TNFSF4: variants seen among roughly 807,000 people sequenced by gnomAD.
TNFSF4 encodes the protein TNF superfamily member 4.
TNFSF4 carries 4 observed loss-of-function variants against 7.3 expected under a neutral mutation model. The ratio of observed to expected loss-of-function variants is 0.55; its 90% CI spans 0.27 to 1.25. TNFSF4 has a LOEUF of 1.25. Ranked by LOEUF, TNFSF4 falls within the 50% of genes most tolerant of loss-of-function variation. The pLI is 0.12. For synonymous variants in TNFSF4, 76 were observed against 83.7 expected (o/e 0.91, Z 0.50); for missense variants, 181 against 208.8 (o/e 0.87, Z 0.82).
chr1:173,260,879 C>A, the TNFSF4 span, among the ~76,000 whole-genome samples: 4 of 152,088 alleles, frequency 2.6e-5, no homozygotes, highest in Non-Finnish European at 4.4e-5. Context: ...GACTCCCACA[C>A]AATAATAATG....
At chr1:173,253,221 A>G in the TNFSF4 span, among the ~76,000 whole-genome samples, 3 of 152,210 alleles carry the variant, frequency 2.0e-5, no homozygotes, top group Non-Finnish European at 4.4e-5. Flanking sequence ...TATATTAGTC[A>G]TAACCATTCC....
the TNFSF4 span, among the ~76,000 whole-genome samples, chr1:173,379,611 G>A: frequency 6.6e-6 from 1 of 152,162 alleles, no homozygotes; most frequent in Non-Finnish European, 1.5e-5. Flanking sequence ...AACAAACTCT[G>A]GAGGCGTTAT....
At chr1:173,424,675 A>G in the TNFSF4 span, among the ~76,000 whole-genome samples, 2 of 152,236 alleles carry the variant, frequency 1.3e-5, no homozygotes, top group African/African-American at 4.8e-5. Context: ...TCCAGGTCCC[A>G]CAAAAAAGAG....
chr1:173,392,553 T>C, the TNFSF4 span, among the ~76,000 whole-genome samples: 1 of 152,242 alleles, frequency 6.6e-6, no homozygotes, highest in Non-Finnish European at 1.5e-5. Flanking sequence ...TATTCATTTA[T>C]TCATTGCTAC....
the TNFSF4 span, among the ~76,000 whole-genome samples, chr1:173,380,470 T>C: frequency 6.6e-6 from 1 of 152,108 alleles, no homozygotes; most frequent in Non-Finnish European, 1.5e-5. Context: ...CATAGTAACT[T>C]CTGAGTCACC....
At chr1:173,362,286 G>A in the TNFSF4 span, 23 of 165,534 alleles carry the variant, frequency 1.4e-4, 1 homozygote, top group South Asian at 2.6e-3. Context: ...ATTTATAAAC[G>A]GTTAACATGG....
chr1:173,203,686 G>GA (rs945959667), intron 1 of TNFSF4, among the ~76,000 whole-genome samples: 2 of 151,390 alleles, frequency 1.3e-5, no homozygotes, highest in African/African-American at 4.8e-5. Context: ...GTTCCCAGCT[G>GA]AAAAAAAAGT....
At chr1:173,190,788 G>C (rs1649446148) in intron 1 of TNFSF4, among the ~76,000 whole-genome samples, 1 of 152,208 alleles carries the variant, frequency 6.6e-6, no homozygotes, top group Non-Finnish European at 1.5e-5. Flanking sequence ...GCCCTCTGTG[G>C]AGTAGCACAA....
At chr1:173,350,414 CCTGG>C in the TNFSF4 span, among the ~76,000 whole-genome samples, 1 of 152,160 alleles carries the variant, frequency 6.6e-6, no homozygotes, top group Non-Finnish European at 1.5e-5. Flanking sequence ...CAATAAGTCC[CCTGG>C]CTCTACCTGA....
chr1:173,232,954 CAGCAATGGAACAA>C, the TNFSF4 span, among the ~76,000 whole-genome samples: 2 of 152,120 alleles, frequency 1.3e-5, no homozygotes, highest in Non-Finnish European at 2.9e-5. Context: ...AGCTCCTCAC[CAGCAATGGAACAA>C]AGCTGGACGG....
At chr1:173,292,796 T>C in the TNFSF4 span, among the ~76,000 whole-genome samples, 1 of 151,924 alleles carries the variant, frequency 6.6e-6, no homozygotes, top group African/African-American at 2.4e-5. Flanking sequence ...TTCAATAAGG[T>C]TTCAGGATAT....
At chr1:173,180,934 A>G (rs1273539062), downstream of TNFSF4, among the ~76,000 whole-genome samples, 2 of 152,300 alleles carry the variant, frequency 1.3e-5, no homozygotes, top group Admixed American at 1.3e-4. Flanking sequence ...CTAAGTACCT[A>G]GCACAATGCC....
the TNFSF4 span, among the ~76,000 whole-genome samples, chr1:173,215,175 C>A: frequency 7.2e-5 from 11 of 152,114 alleles, no homozygotes; most frequent in South Asian, 6.2e-4. Flanking sequence ...GAGGACACAG[C>A]AAGAAGGTGG....
the TNFSF4 span, among the ~76,000 whole-genome samples, chr1:173,442,517 G>A: frequency 6.8e-6 from 1 of 146,832 alleles, no homozygotes; most frequent in African/African-American, 2.5e-5. Context: ...TTGTTTGTTT[G>A]GTTTTCGGTT....
chr1:173,450,318 G>A, the TNFSF4 span, among the ~76,000 whole-genome samples: 19 of 151,984 alleles, frequency 1.3e-4, no homozygotes, highest in Non-Finnish European at 1.5e-4. Flanking sequence ...GAATTCTCTA[G>A]GCCCCAGTGG....
the TNFSF4 span, among the ~76,000 whole-genome samples, chr1:173,330,712 G>A: frequency 5.9e-5 from 9 of 151,996 alleles, no homozygotes; most frequent in African/African-American, 2.2e-4. Flanking sequence ...TGATATCTAA[G>A]CATAGTGAAA....
the TNFSF4 span, among the ~76,000 whole-genome samples, chr1:173,450,675 A>T: frequency 1.3e-5 from 2 of 150,124 alleles, no homozygotes; most frequent in African/African-American, 4.9e-5. Context: ...AAGAATAATC[A>T]CATGAATATC....
At chr1:173,381,428 C>G in the TNFSF4 span, among the ~76,000 whole-genome samples, 1 of 152,232 alleles carries the variant, frequency 6.6e-6, no homozygotes, top group South Asian at 2.1e-4. Context: ...GGCTTCTCCC[C>G]TTTCTAGGTC....
the TNFSF4 span, among the ~76,000 whole-genome samples, chr1:173,393,327 C>T: frequency 2.0e-5 from 3 of 152,226 alleles, no homozygotes; most frequent in Non-Finnish European, 4.4e-5. Context: ...TTCTCACCCT[C>T]ACTCAACATA....
Sources: allele counts gnomAD v4.1 joint callset (sites outside exome capture counted in the v4.1 genomes callset), GRCh38; gene constraint gnomAD v4.1.1; transcripts MANE v1.5; gene names NCBI Gene and HGNC (gene_info 2026-07-23, HGNC 2026-07-21).